The following LMX1A variants were observed in gnomAD, a reference collection of about 807,000 sequenced individuals.
LMX1A encodes the protein LIM homeobox transcription factor 1-alpha.
In LMX1A, 15 loss-of-function variants were observed where a neutral mutation model predicts 49.1. The ratio of observed to expected loss-of-function variants is 0.31; its 90% CI spans 0.20 to 0.47. LMX1A has a LOEUF of 0.47. LMX1A is among the 20% of genes least tolerant of loss of function. The pLI is 1.00. For missense variants in LMX1A, 372 were observed against 475.8 expected, an observed-to-expected ratio of 0.78 and a Z score of 2.03; for synonymous variants, 167 against 185.7, an observed-to-expected ratio of 0.90 and a Z score of 0.82.
At chr1:165,327,241 G>A (rs116177909) in intron 3 of LMX1A, among the ~76,000 whole-genome samples, 1,896 of 152,256 alleles carry the variant, frequency 0.012, 43 homozygotes, top group African/African-American at 0.042. Context: ...CAGAGGGACC[G>A]AAAGGAGGAA....
At chr1:165,270,186 C>T (rs915566665) in intron 3 of LMX1A, among the ~76,000 whole-genome samples, 4 of 152,128 alleles carry the variant, frequency 2.6e-5, no homozygotes, top group African/African-American at 9.7e-5. Context: ...AAAGTGAAGA[C>T]TTTGGTGCAT....
At chr1:165,271,843 TG>T (rs1653803367) in intron 3 of LMX1A, among the ~76,000 whole-genome samples, 1 of 152,144 alleles carries the variant, frequency 6.6e-6, no homozygotes, top group Non-Finnish European at 1.5e-5. Context: ...GCCAGGTAGC[TG>T]GGGGCAGAAT....
At chr1:165,316,549 G>T (rs1483624526) in intron 3 of LMX1A, among the ~76,000 whole-genome samples, 5 of 152,208 alleles carry the variant, frequency 3.3e-5, no homozygotes, top group African/African-American at 7.2e-5. Context: ...AGAGAATACT[G>T]CAGGGAGGCG....
intron 3 of LMX1A, among the ~76,000 whole-genome samples, chr1:165,287,330 C>T (rs1020774135): frequency 2.6e-5 from 4 of 152,220 alleles, no homozygotes; most frequent in African/African-American, 9.6e-5. Flanking sequence ...ACTGAACTCT[C>T]TCTCCCTCTA....
intron 3 of LMX1A, among the ~76,000 whole-genome samples, chr1:165,277,959 CTA>C (rs1172033541): frequency 1.3e-5 from 2 of 152,200 alleles, no homozygotes; most frequent in African/African-American, 4.8e-5. Flanking sequence ...TTGAGAATAA[CTA>C]TAGTTGTAAC....
chr1:165,279,822 G>C (rs1037935788), intron 3 of LMX1A, among the ~76,000 whole-genome samples: 1 of 152,024 alleles, frequency 6.6e-6, no homozygotes, highest in Non-Finnish European at 1.5e-5. Flanking sequence ...TCTCAAGTGG[G>C]GATTTTTGGG....
intron 4 of LMX1A, among the ~76,000 whole-genome samples, chr1:165,236,586 C>T (rs1337976204): frequency 1.3e-5 from 2 of 152,052 alleles, no homozygotes; most frequent in South Asian, 4.1e-4. Flanking sequence ...TCTCACAACC[C>T]TAACTATACC....
At chr1:165,258,829 C>T (rs1653336144) in intron 3 of LMX1A, among the ~76,000 whole-genome samples, 1 of 152,226 alleles carries the variant, frequency 6.6e-6, no homozygotes, top group Admixed American at 6.5e-5. Context: ...AAGAGGACAG[C>T]TTTTGACATC....
At chr1:165,247,054 C>CTTTTTTTTTTTTTTTTTTTTT (rs71097567) in intron 4 of LMX1A, among the ~76,000 whole-genome samples, 868 of 53,218 alleles carry the variant, frequency 0.016, 304 homozygotes, top group East Asian at 0.03. Flanking sequence ...TCAGCTTTTT[C>CTTTTTTTTTTTTTTTTTTTTT]TTTTTTTTTT....
At chr1:165,294,682 G>A (rs1654566229) in intron 3 of LMX1A, among the ~76,000 whole-genome samples, 1 of 152,210 alleles carries the variant, frequency 6.6e-6, no homozygotes, top group Non-Finnish European at 1.5e-5. Flanking sequence ...ATTACATGCG[G>A]GCTGGGCACG....
At chr1:165,225,906 G>A (rs1051406542) in intron 4 of LMX1A, among the ~76,000 whole-genome samples, 3 of 152,234 alleles carry the variant, frequency 2.0e-5, no homozygotes, top group Admixed American at 6.5e-5. Flanking sequence ...AGAGATGTGA[G>A]CAATCACAGC....
chr1:165,319,233 T>A (rs762735453), intron 3 of LMX1A, among the ~76,000 whole-genome samples: 2 of 152,004 alleles, frequency 1.3e-5, no homozygotes, highest in African/African-American at 2.4e-5. Context: ...AAAAAATAGA[T>A]AAATACATAG....
At chr1:165,260,049 G>T (rs16841814) in intron 3 of LMX1A, among the ~76,000 whole-genome samples, 1 of 152,168 alleles carries the variant, frequency 6.6e-6, no homozygotes, top group African/African-American at 2.4e-5. Flanking sequence ...ACACAGATAT[G>T]CACAAATGGC....
At chr1:165,267,455 C>T (rs75526497) in intron 3 of LMX1A, among the ~76,000 whole-genome samples, 5,912 of 152,184 alleles carry the variant, frequency 0.039, 166 homozygotes, top group Non-Finnish European at 0.057. Context: ...GCTGTTTCCA[C>T]CTTTTGTCAT....
chr1:165,355,782 T>C lies in LMX1A; in HGVS notation c.-22-201A>G, dbSNP rs1656588580. 1.5e-5 allele frequency: 9 copies of C among 583,318 alleles called. No individual in the cohort carries two copies. The highest frequency in any genetic ancestry group is 2.4e-5 in the Non-Finnish European group (8 of 326,952). 36.1% of individuals were successfully genotyped at this position (583,318 alleles called of 1,614,324 possible). ...CTGCTCTGGCTGATCTGATTTCACT[T>C]GAAGTCAACACGTTATGTACTTAGG... On this transcript the variant is annotated intron_variant, in intron 1 of 8. Coordinates refer to ENST00000342310, the MANE Select transcript of LMX1A (RefSeq NM_177398.4). The surrounding 1 kb of genome is among the most constrained non-coding windows in gnomAD (Gnocchi z 4.7).
intron 3 of LMX1A, among the ~76,000 whole-genome samples, chr1:165,319,039 A>ACACACC (rs1349255094): frequency 4.3e-5 from 6 of 139,618 alleles, no homozygotes; most frequent in African/African-American, 1.6e-4. Context: ...ACACACACAC[A>ACACACC]CACCCCAACT....
At chr1:165,247,696 G>T (rs1652909988) in intron 4 of LMX1A, among the ~76,000 whole-genome samples, 1 of 152,186 alleles carries the variant, frequency 6.6e-6, no homozygotes, top group Non-Finnish European at 1.5e-5. Flanking sequence ...TGGATGTTAA[G>T]CACCCACATT....
At chr1:165,339,323 T>A (rs1382172453) in intron 3 of LMX1A, among the ~76,000 whole-genome samples, 3 of 152,138 alleles carry the variant, frequency 2.0e-5, no homozygotes, top group Non-Finnish European at 4.4e-5. Context: ...CTCCCAAGCA[T>A]CACAGAAAGC....
intron 3 of LMX1A, among the ~76,000 whole-genome samples, chr1:165,251,990 C>A (rs1292598888): frequency 6.6e-6 from 1 of 152,114 alleles, no homozygotes; most frequent in Non-Finnish European, 1.5e-5. Flanking sequence ...TTCATATTTC[C>A]TTTTTTCTGT....
Sources: allele counts gnomAD v4.1 joint callset (sites outside exome capture counted in the v4.1 genomes callset), GRCh38; gene constraint gnomAD v4.1.1; non-coding constraint Gnocchi (gnomAD v3.1); transcripts MANE v1.5; gene names NCBI Gene and HGNC (gene_info 2026-07-23, HGNC 2026-07-21).